The following PLAAT2 variants were observed in gnomAD, a reference collection of about 807,000 sequenced individuals.
PLAAT2 encodes phospholipase A and acyltransferase 2, also known as HRAS like suppressor 2.
PLAAT2 carries 12 observed loss-of-function variants against 12.8 expected under a neutral mutation model. That is an observed-to-expected ratio of 0.94 (90% CI 0.60 to 1.52). The LOEUF (loss-of-function observed/expected upper bound fraction) is 1.52. PLAAT2 is among the 40% of genes most tolerant of loss of function. PLAAT2 has a pLI of 0.00. For missense variants in PLAAT2, 166 were observed against 208.1 expected (o/e 0.80, Z 1.24); for synonymous variants, 79 against 86.8 (o/e 0.91, Z 0.50).
chr11:63,562,849 A>C (rs2017530584), intron 1 of PLAAT2, among the ~76,000 whole-genome samples: 1 of 152,134 alleles, frequency 6.6e-6, no homozygotes, highest in African/African-American at 2.4e-5. Context: ...GGCGAGGGAG[A>C]CAGAGCCCTT....
chr11:63,559,619 G>A (rs923727302), intron 2 of PLAAT2, among the ~76,000 whole-genome samples: 2 of 152,020 alleles, frequency 1.3e-5, no homozygotes, highest in African/African-American at 2.4e-5. Context: ...CTGGGAAGCT[G>A]AACTTAGTGA....
intron 1 of PLAAT2, among the ~76,000 whole-genome samples, 192 bp from the exon 2 acceptor site, chr11:63,560,385 T>G (rs544538715): frequency 5.3e-4 from 80 of 152,288 alleles, no homozygotes; most frequent in Non-Finnish European, 9.3e-4. Context: ...GACTGAAAAG[T>G]TGCTCTTCAG....
At position 63,552,922 on chromosome 11, in the gene PLAAT2, T is replaced by C; in HGVS notation, c.*42A>G. 7.6e-7 allele frequency: 1 copy of C among 1,316,754 alleles called. No homozygotes were observed. Among genetic ancestry groups the C allele is most frequent in the Non-Finnish European group, 1.1e-6 (1 of 909,880 alleles). 81.6% of individuals were successfully genotyped at this position (1,316,754 alleles called of 1,614,324 possible). A position where few individuals can be genotyped will look rare whatever the true frequency, so the allele number is the denominator to read the frequency against. ...TCCACTCCTGCTGGCTAAATAATAT[T>C]CCTCCGTAAGAATTGGTGGTTGTTG... On this transcript the variant is annotated 3_prime_UTR_variant, in exon 4 of 4. Coordinates refer to ENST00000255695, the MANE Select transcript of PLAAT2 (RefSeq NM_017878.2).
rs752657921 is a variant in PLAAT2 at position 63,563,357 on chromosome 11, G to T, written c.-33C>A. 1 of 1,613,966 alleles carries T rather than the reference G, an allele frequency of 6.2e-7. No individual in the cohort carries two copies. Among genetic ancestry groups the T allele is most frequent in the Non-Finnish European group, 8.5e-7 (1 of 1,179,866 alleles). ...TCAAGATGATGTCTTGTGTGTTGCT[G>T]ACTCTGTGTCCAGCCTTAAATTAGC... On this transcript the variant is annotated 5_prime_UTR_variant, in exon 1 of 4. Transcript: ENST00000255695.
intron 2 of PLAAT2, 86 bp from the exon 3 acceptor site, chr11:63,558,746 C>G: frequency 1.4e-6 from 2 of 1,479,558 alleles, no homozygotes; most frequent in Non-Finnish European, 1.9e-6. Flanking sequence ...CGAGCACCAT[C>G]AAGGAGGAGC....
chr11:63,558,582 G>T lies in PLAAT2; in HGVS notation c.197C>A (p.Ser66Tyr), dbSNP rs1223534859. 1.2e-6 allele frequency: 2 copies of T among 1,614,134 alleles called. No individual in the cohort carries two copies. The highest frequency in any genetic ancestry group is 2.7e-5 in the African/African-American group (2 of 74,948). Reference protein sequence around the residue: ...NKAIVKKELLSVVAGGDNYRV... With the variant: ...NKAIVKKELLYVVAGGDNYRV... Reference sequence around the variant, plus strand: ...GTAGTTGTCTCCCCCAGCCACCACAGACAGCAGTTCCTTCTTCACTATGGC... The same window carrying T: ...GTAGTTGTCTCCCCCAGCCACCACATACAGCAGTTCCTTCTTCACTATGGC... The change falls in exon 3 of 4, where the codon TCT becomes TAT. Residue 66 changes from serine (S) to tyrosine (Y), a missense_variant. By Grantham distance (144) the Ser-to-Tyr change is moderately radical. Transcript: ENST00000255695.
intron 3 of PLAAT2, among the ~76,000 whole-genome samples, chr11:63,553,533 C>T (rs2017437615): frequency 6.6e-6 from 1 of 151,712 alleles, no homozygotes; most frequent in South Asian, 2.1e-4. Context: ...ACCTGTAGTC[C>T]CAGCTACTCA....
intron 2 of PLAAT2, 113 bp from the exon 3 acceptor site, chr11:63,558,773 G>T: frequency 7.7e-7 from 1 of 1,300,000 alleles, no homozygotes; most frequent in Non-Finnish European, 1.1e-6. Context: ...GGAAGGACTT[G>T]TCCATCCTGC....
Position 63,552,844 on chromosome 11 carries a change from T to G in PLAAT2, c.*120A>C, listed in dbSNP as rs542992524. On this transcript the variant is annotated 3_prime_UTR_variant, in exon 4 of 4. Transcript: ENST00000255695. ...AAATACATTTTCCTGTGCTTTTAAC[T>G]CCATTAAAATAAAGATTCATGAACA... 1.5e-6 allele frequency: 1 copy of G among 667,180 alleles called. No homozygotes were observed. Among genetic ancestry groups the G allele is most frequent in the East Asian group, 2.7e-5 (1 of 37,668 alleles). The allele number at this position is 667,180 out of a possible 1,614,324, so 41.3% of individuals were successfully genotyped here. A position where few individuals can be genotyped will look rare whatever the true frequency, so the allele number is the denominator to read the frequency against.
chr11:63,554,342 C>T (rs1022542869), intron 3 of PLAAT2, among the ~76,000 whole-genome samples: 1 of 151,932 alleles, frequency 6.6e-6, no homozygotes, highest in Non-Finnish European at 1.5e-5. Context: ...AAAGAACTCA[C>T]GCAAAGGCCG....
At chr11:63,555,366 A>G (rs150154617) in intron 3 of PLAAT2, among the ~76,000 whole-genome samples, 156 of 152,380 alleles carry the variant, frequency 1.0e-3, no homozygotes, top group African/African-American at 3.5e-3. Flanking sequence ...ACACATTTTT[A>G]AAATACAGTA....
chr11:63,558,214 T>C (rs564410442), intron 3 of PLAAT2, among the ~76,000 whole-genome samples, 178 bp downstream of exon 3: 1 of 152,202 alleles, frequency 6.6e-6, no homozygotes, highest in African/African-American at 2.4e-5. Context: ...GACTTGCCTA[T>C]CTCCCCACCC....
upstream of PLAAT2, among the ~76,000 whole-genome samples, chr11:63,564,221 C>A (rs1162415931): frequency 6.6e-6 from 1 of 152,198 alleles, no homozygotes; most frequent in Non-Finnish European, 1.5e-5. Context: ...CAGAAACACT[C>A]ATTCCACACC....
intron 3 of PLAAT2, 100 bp from the exon 4 acceptor site, chr11:63,553,165 C>A (rs1590668229): frequency 4.2e-6 from 3 of 707,224 alleles, no homozygotes; most frequent in East Asian, 2.7e-5. Context: ...CTGGCCCAGT[C>A]CTCTTCATTT....
intron 3 of PLAAT2, among the ~76,000 whole-genome samples, chr11:63,555,057 G>A (rs751608079): frequency 6.6e-6 from 1 of 152,214 alleles, no homozygotes; most frequent in Non-Finnish European, 1.5e-5. Context: ...GAGTCAGGGA[G>A]GTGAAATATT....
intron 1 of PLAAT2, among the ~76,000 whole-genome samples, chr11:63,560,734 G>A (rs1254045020): frequency 6.6e-6 from 1 of 152,230 alleles, no homozygotes; most frequent in Non-Finnish European, 1.5e-5. Flanking sequence ...AGCACATGGA[G>A]TCTCAGGAAC....
chr11:63,560,023 C>G, intron 2 of PLAAT2, 62 bp downstream of exon 2: 1 of 1,112,302 alleles, frequency 9.0e-7, no homozygotes, highest in South Asian at 1.3e-5. Context: ...AAGCACGTAA[C>G]TGTGCATCTC....
At chr11:63,555,560 C>T (rs781730259) in intron 3 of PLAAT2, among the ~76,000 whole-genome samples, 2 of 152,064 alleles carry the variant, frequency 1.3e-5, no homozygotes, top group African/African-American at 4.8e-5. Context: ...GGTGTGGTGG[C>T]GTGTGCCTGT....
intron 3 of PLAAT2, among the ~76,000 whole-genome samples, chr11:63,557,705 G>A (rs971785603): frequency 7.2e-5 from 11 of 152,176 alleles, no homozygotes; most frequent in African/African-American, 1.4e-4. Flanking sequence ...TGCAAACTAC[G>A]GCAGCAGGGT....
Sources: gnomAD v4.1 joint callset for allele counts (sites outside exome capture counted in the v4.1 genomes callset) on GRCh38, gnomAD v4.1.1 for gene constraint, MANE v1.5 for transcripts, NCBI Gene and HGNC (gene_info 2026-07-23, HGNC 2026-07-21) for gene names.